Variants in FHOD3 observed in about 807,000 individuals in gnomAD.
The protein encoded by FHOD3 is FH1/FH2 domain-containing protein 3.
In FHOD3, 90 loss-of-function variants were observed where a neutral mutation model predicts 173.0. The observed-to-expected ratio is 0.52, with a 90% CI of 0.44 to 0.62. FHOD3 has a LOEUF of 0.62. FHOD3 is among the 20% of genes least tolerant of loss of function. FHOD3 has a pLI of 0.00. For synonymous variants in FHOD3, 828 were observed against 823.0 expected (o/e 1.01, Z -0.10); for missense variants, 1,945 against 2,034.7 (o/e 0.96, Z 0.85).
chr18:36,530,023 T>TG (rs1432123098), intron 5 of FHOD3, among the ~76,000 whole-genome samples: 3 of 148,838 alleles, frequency 2.0e-5, no homozygotes, highest in Non-Finnish European at 3.0e-5. Context: ...GGTTTGGTCA[T>TG]GGGGGGTGGG....
At chr18:36,672,387 G>T (rs548472036) in intron 14 of FHOD3, among the ~76,000 whole-genome samples, 3 of 152,106 alleles carry the variant, frequency 2.0e-5, no homozygotes, top group African/African-American at 7.2e-5. Context: ...GGTCTGAGCC[G>T]GGTTAACTTG....
At chr18:36,603,866 A>G (rs1269346836) in intron 8 of FHOD3, among the ~76,000 whole-genome samples, 1 of 152,212 alleles carries the variant, frequency 6.6e-6, no homozygotes, top group Non-Finnish European at 1.5e-5. Flanking sequence ...TTACTCTAAG[A>G]AAATTGTTCA....
At chr18:36,325,818 T>C (rs2044641869) in intron 1 of FHOD3, among the ~76,000 whole-genome samples, 3 of 152,338 alleles carry the variant, frequency 2.0e-5, no homozygotes, top group Middle Eastern at 6.8e-3. Context: ...TGTAAATTAG[T>C]GTACTGGGAC....
At chr18:36,417,748 A>C (rs2049748639) in intron 3 of FHOD3, among the ~76,000 whole-genome samples, 1 of 152,220 alleles carries the variant, frequency 6.6e-6, no homozygotes, top group Admixed American at 6.5e-5. Context: ...AAAAAGGACG[A>C]TAGCAAATAT....
intron 3 of FHOD3, among the ~76,000 whole-genome samples, chr18:36,475,487 C>T (rs921276561): frequency 1.5e-5 from 1 of 68,328 alleles, no homozygotes; most frequent in African/African-American, 5.2e-5. Flanking sequence ...GGGTTGGGTG[C>T]GGGGTGGGAG....
chr18:36,326,721 A>G (rs1473746779), intron 1 of FHOD3, among the ~76,000 whole-genome samples: 1 of 152,254 alleles, frequency 6.6e-6, no homozygotes, highest in African/African-American at 2.4e-5. Context: ...ACTGCACTTC[A>G]GCCTGGGCAA....
chr18:36,628,924 C>A (rs1015465236), intron 10 of FHOD3, among the ~76,000 whole-genome samples: 1 of 152,184 alleles, frequency 6.6e-6, no homozygotes, highest in Non-Finnish European at 1.5e-5. Context: ...CTTCTGATAC[C>A]AAACACTGCA....
intron 3 of FHOD3, among the ~76,000 whole-genome samples, chr18:36,460,661 C>T (rs1411823826): frequency 6.6e-6 from 1 of 152,186 alleles, no homozygotes; most frequent in Non-Finnish European, 1.5e-5. Context: ...GGCCCTGTCC[C>T]ACTGCTGCCA....
chr18:36,426,045 C>T (rs1056167251), intron 3 of FHOD3, among the ~76,000 whole-genome samples: 2 of 150,204 alleles, frequency 1.3e-5, no homozygotes, highest in African/African-American at 4.9e-5. Context: ...GCTGGGACTA[C>T]AGGCGGCCAC....
chr18:36,524,817 A>G (rs1471755370), intron 5 of FHOD3, among the ~76,000 whole-genome samples: 2 of 152,188 alleles, frequency 1.3e-5, no homozygotes, highest in African/African-American at 4.8e-5. Context: ...GGGCTTCTAA[A>G]TAAAGATCAG....
rs1599794212 is a variant in FHOD3 at position 36,594,831 on chromosome 18, T to C, written c.651T>C (p.Phe217=). 9 of 1,614,014 alleles carry C rather than the reference T, an allele frequency of 5.6e-6. No individual in the cohort carries two copies. In the East Asian group the frequency reaches 1.3e-4, roughly 24 times the overall value. The change falls in exon 7 of 29, where the codon TTT becomes TTC. Residue 217 remains phenylalanine, a synonymous_variant. Coordinates refer to ENST00000590592, the MANE Select transcript of FHOD3 (RefSeq NM_001281740.3). ...CAGCCCTGAAGCTGCTGCTCGTCTT[T>C]GTAGAGTACTCGGAGTCCAACGCAC... ...VKTALKLLLV[F]VEYSESNAPL...
intron 28 of FHOD3, among the ~76,000 whole-genome samples, chr18:36,775,810 T>C (rs1244161833): frequency 6.6e-6 from 1 of 152,218 alleles, no homozygotes; most frequent in East Asian, 1.9e-4. Context: ...GTGAGAACTG[T>C]CACCAGGGCC....
intron 20 of FHOD3, among the ~76,000 whole-genome samples, chr18:36,739,383 A>C (rs531514496): frequency 5.3e-5 from 8 of 152,342 alleles, no homozygotes; most frequent in Admixed American, 3.3e-4. Flanking sequence ...TTCAATAAAA[A>C]ATTTCAGTCT....
At chr18:36,740,609 G>A (rs1408480357) in intron 20 of FHOD3, 47 bp from the exon 21 acceptor site, 1 of 1,476,906 alleles carries the variant, frequency 6.8e-7, no homozygotes, top group Non-Finnish European at 9.3e-7. Context: ...GGACAGGGGA[G>A]GGTCCATCAC....
intron 3 of FHOD3, among the ~76,000 whole-genome samples, chr18:36,471,896 A>C (rs553264536): frequency 1.3e-5 from 2 of 152,320 alleles, no homozygotes; most frequent in Non-Finnish European, 2.9e-5. Context: ...TGATTTTCAT[A>C]GTGTTTGTGG....
At chr18:36,436,447 C>T (rs1158411839) in intron 3 of FHOD3, among the ~76,000 whole-genome samples, 2 of 152,040 alleles carry the variant, frequency 1.3e-5, no homozygotes, top group East Asian at 3.8e-4. Context: ...CCCCCATGCA[C>T]AAAGGAATGC....
chr18:36,345,517 CAACCTTG>C (rs1157519180), intron 1 of FHOD3, among the ~76,000 whole-genome samples: 4 of 152,158 alleles, frequency 2.6e-5, no homozygotes, highest in African/African-American at 7.2e-5. Flanking sequence ...TAGCTGACTG[CAACCTTG>C]AACTTCTGAA....
At chr18:36,494,607 A>G (rs2054640433) in intron 3 of FHOD3, among the ~76,000 whole-genome samples, 1 of 152,204 alleles carries the variant, frequency 6.6e-6, no homozygotes, top group African/African-American at 2.4e-5. Context: ...TAAGGGATGT[A>G]TAATCAGCCT....
intron 3 of FHOD3, among the ~76,000 whole-genome samples, chr18:36,417,847 T>C (rs999348936): frequency 5.9e-5 from 9 of 152,232 alleles, no homozygotes; most frequent in African/African-American, 1.2e-4. Flanking sequence ...GATTATAATG[T>C]TGGCCTTAAT....
Sources: gnomAD v4.1 joint callset for allele counts (sites outside exome capture counted in the v4.1 genomes callset) on GRCh38, gnomAD v4.1.1 for gene constraint, MANE v1.5 for transcripts, NCBI Gene and HGNC (gene_info 2026-07-23, HGNC 2026-07-21) for gene names.